The following FRY variants were observed in gnomAD, a reference collection of about 807,000 sequenced individuals.
FRY encodes the protein protein furry homolog.
A neutral mutation model predicts 348.4 loss-of-function variants in FRY; 128 were observed. That is an observed-to-expected ratio of 0.37 (90% CI 0.32 to 0.43). FRY has a LOEUF of 0.43. Among genes scored for constraint, FRY ranks in the 20% least tolerant of loss-of-function variants. The pLI is 1.00. For synonymous variants in FRY, 1,370 were observed against 1,374.7 expected (o/e 1.00, Z 0.08); for missense variants, 2,736 against 3,695.2 (o/e 0.74, Z 6.73).
chr13:32,072,003 C>T (rs1272460477), intron 1 of FRY, among the ~76,000 whole-genome samples: 2 of 152,074 alleles, frequency 1.3e-5, no homozygotes, highest in African/African-American at 4.8e-5. Flanking sequence ...CTGAGTTGAC[C>T]ACTCTGTAAC....
At chr13:32,269,915 T>G (rs1281525346) in intron 55 of FRY, among the ~76,000 whole-genome samples, 1 of 152,234 alleles carries the variant, frequency 6.6e-6, no homozygotes, top group African/African-American at 2.4e-5. Context: ...CTAGCTCACT[T>G]GGAGTCTTAC....
Position 32,295,328 on chromosome 13 carries a change from G to A in FRY, c.8910G>A (p.Gln2970=). 6.2e-7 allele frequency: 1 copy of A among 1,609,274 alleles called. No individual in the cohort carries two copies. Among genetic ancestry groups the A allele is most frequent in the Non-Finnish European group, 8.5e-7 (1 of 1,178,268 alleles). ...TGTYALVGSN[Q]SLTEICTKLM... is the part of the protein sequence containing the mutation. ...CTTATGCCCTGGTGGGGTCTAACCA[G>A]AGCCTGACCGAGATCTGCACCAAGC... Residue 2970 remains glutamine (Q), a synonymous_variant, in exon 61 of 61, where the codon CAG becomes CAA. Coordinates refer to ENST00000542859, the MANE Select transcript of FRY (RefSeq NM_023037.3).
chr13:32,088,831 A>G (rs1381657778), intron 2 of FRY, among the ~76,000 whole-genome samples: 3 of 152,150 alleles, frequency 2.0e-5, no homozygotes, highest in African/African-American at 7.2e-5. Flanking sequence ...TTATGAAGAG[A>G]TTATCGAAGT....
intron 29 of FRY, among the ~76,000 whole-genome samples, chr13:32,196,020 A>G (rs1883656297): frequency 6.6e-6 from 1 of 152,180 alleles, no homozygotes; most frequent in South Asian, 2.1e-4. Flanking sequence ...ACAGGCCTCC[A>G]GAGAGGCTTG....
chr13:32,158,735 T>C (rs1276050268), intron 16 of FRY, among the ~76,000 whole-genome samples: 1 of 151,920 alleles, frequency 6.6e-6, no homozygotes, highest in African/African-American at 2.4e-5. Context: ...CTGGCCAACA[T>C]GGCGAAACCC....
intron 1 of FRY, chr13:32,061,250 C>G (rs957716303): frequency 3.5e-5 from 17 of 488,920 alleles, no homozygotes; most frequent in Non-Finnish European, 6.4e-5. Context: ...AAGGTTTCAG[C>G]GGATGGGGGT....
intron 2 of FRY, among the ~76,000 whole-genome samples, chr13:32,099,016 C>T (rs933256965): frequency 6.6e-6 from 1 of 151,818 alleles, no homozygotes; most frequent in Middle Eastern, 3.4e-3. Flanking sequence ...ACAGTTGGGG[C>T]AGGGGTGGGG....
intron 55 of FRY, among the ~76,000 whole-genome samples, chr13:32,267,822 A>G (rs1446464025): frequency 1.3e-5 from 2 of 152,232 alleles, no homozygotes; most frequent in African/African-American, 4.8e-5. Context: ...GCTTTTGAAC[A>G]GATGAAAAGT....
intron 53 of FRY, among the ~76,000 whole-genome samples, chr13:32,262,956 A>G (rs574601664): frequency 6.6e-6 from 1 of 152,372 alleles, no homozygotes; most frequent in South Asian, 2.1e-4. Context: ...TTTAATGTCA[A>G]TCACAGTCTT....
At chr13:32,200,890 G>A (rs985266579) in intron 29 of FRY, among the ~76,000 whole-genome samples, 6 of 151,950 alleles carry the variant, frequency 3.9e-5, no homozygotes, top group African/African-American at 1.5e-4. Context: ...TACTGTTTCT[G>A]CCCTAATTCC....
At chr13:32,203,736 A>G (rs1427336279) in intron 31 of FRY, among the ~76,000 whole-genome samples, 2 of 149,388 alleles carry the variant, frequency 1.3e-5, no homozygotes, top group Admixed American at 6.7e-5. Context: ...AAAAAAATGC[A>G]TTTGTCACCT....
intron 33 of FRY, among the ~76,000 whole-genome samples, 170 bp from the exon 34 acceptor site, chr13:32,210,696 G>A (rs1884635428): frequency 1.3e-5 from 2 of 152,176 alleles, no homozygotes; most frequent in African/African-American, 4.8e-5. Flanking sequence ...GATGAAGAGA[G>A]GTGAATTTTA....
At chr13:32,153,051 G>A (rs1359976074) in intron 14 of FRY, among the ~76,000 whole-genome samples, 2 of 152,148 alleles carry the variant, frequency 1.3e-5, no homozygotes, top group African/African-American at 4.8e-5. Context: ...ACCGAAACGA[G>A]ATGTACTGGG....
At chr13:32,125,274 C>T (rs1185623787) in intron 7 of FRY, among the ~76,000 whole-genome samples, 5 of 152,172 alleles carry the variant, frequency 3.3e-5, no homozygotes, top group African/African-American at 1.2e-4. Flanking sequence ...TTACTATAGA[C>T]CTTACTTAAT....
At chr13:32,184,854 G>A in intron 25 of FRY, 122 bp from the exon 26 acceptor site, 1 of 1,024,314 alleles carries the variant, frequency 9.8e-7, no homozygotes, top group Non-Finnish European at 1.5e-6. Context: ...TCTTTACACT[G>A]CATATAGGTT....
rs1593835495 is a variant in FRY at position 32,274,171 on chromosome 13, C to G, written c.8137-671C>G. ...TAAACATTCATTCTGCTCCCCTCCC[C>G]CATTACCCTAAGGACCCATTCTCAT... On this transcript the variant is annotated intron_variant, in intron 55 of 60. Coordinates refer to ENST00000542859, the MANE Select transcript of FRY (RefSeq NM_023037.3). 3.9e-5 allele frequency among the ~76,000 whole-genome samples: 6 copies of G among 152,236 alleles called. 1 individual carries two copies. The highest frequency in any genetic ancestry group is 3.9e-4 in the Admixed American group (6 of 15,284).
chr13:32,054,862 G>A (rs1187131329), intron 1 of FRY, among the ~76,000 whole-genome samples: 2 of 152,038 alleles, frequency 1.3e-5, no homozygotes, highest in South Asian at 2.1e-4. Flanking sequence ...GCGACGGAGC[G>A]AGACTCCGTC....
intron 51 of FRY, among the ~76,000 whole-genome samples, chr13:32,261,009 A>C (rs1461454046): frequency 2.0e-5 from 3 of 152,218 alleles, no homozygotes; most frequent in African/African-American, 7.2e-5. Flanking sequence ...AGCAAAAGTT[A>C]AGGTGTTGCT....
chr13:32,260,474 A>G (rs1432721811), intron 51 of FRY, among the ~76,000 whole-genome samples: 1 of 152,264 alleles, frequency 6.6e-6, no homozygotes, highest in Non-Finnish European at 1.5e-5. Context: ...ACACTTATTT[A>G]TTAACTGATG....
Sources: gnomAD v4.1 joint callset for allele counts (sites outside exome capture counted in the v4.1 genomes callset) on GRCh38, gnomAD v4.1.1 for gene constraint, MANE v1.5 for transcripts, NCBI Gene and HGNC (gene_info 2026-07-23, HGNC 2026-07-21) for gene names.